PCDHA11: variants seen among roughly 807,000 people sequenced by gnomAD.
PCDHA11 encodes protocadherin alpha-11.
Under a neutral mutation model 70.3 loss-of-function variants are expected in PCDHA11, and 61 were observed. That is an observed-to-expected ratio of 0.87 (90% CI 0.71 to 1.07). PCDHA11 has a LOEUF of 1.07. Among genes scored for constraint, PCDHA11 ranks in the 50% least tolerant of loss-of-function variants. PCDHA11 has a pLI of 0.00. For missense variants in PCDHA11, 1,324 were observed against 1,237.5 expected (o/e 1.07, Z -1.05); for synonymous variants, 633 against 555.1 (o/e 1.14, Z -1.97).
chr5:140,936,831 A>T lies in PCDHA11; in HGVS notation c.2392-42118A>T, dbSNP rs142448727. 3.1e-3 allele frequency among the ~76,000 whole-genome samples: 478 copies of T among 152,252 alleles called. 2 individuals are homozygous for T. Among genetic ancestry groups the T allele is most frequent in the African/African-American group, 0.011 (455 of 41,554 alleles). Reference sequence around the variant, plus strand: ...GCTATTTTTGGCCCTTTGCATTTCTATATAAATTGTAGATTCAGCTTCTCA... The same window carrying T: ...GCTATTTTTGGCCCTTTGCATTTCTTTATAAATTGTAGATTCAGCTTCTCA... On this transcript the variant is annotated intron_variant, in intron 1 of 3. Transcript: ENST00000398640.
intron 1 of PCDHA11, chr5:140,928,175 G>A (rs782432136): frequency 6.8e-6 from 11 of 1,614,032 alleles, no homozygotes; most frequent in African/African-American, 1.3e-5. Flanking sequence ...CTTAGCACCC[G>A]AAGGACAATC....
chr5:140,915,312 C>T (rs781796761), intron 1 of PCDHA11, among the ~76,000 whole-genome samples: 2 of 152,122 alleles, frequency 1.3e-5, no homozygotes, highest in Non-Finnish European at 2.9e-5. Flanking sequence ...TTACATACCA[C>T]AATTACAGTG....
chr5:140,886,689 G>C (rs1267444522), intron 1 of PCDHA11, among the ~76,000 whole-genome samples: 5 of 152,022 alleles, frequency 3.3e-5, no homozygotes, highest in African/African-American at 1.2e-4. Flanking sequence ...AGCGAGGCAT[G>C]GTGGCACGCG....
At chr5:140,944,053 A>G (rs246065) in intron 1 of PCDHA11, among the ~76,000 whole-genome samples, 85,768 of 152,016 alleles carry the variant, frequency 0.56, 24,809 homozygotes, top group African/African-American at 0.69. Context: ...TTGGGATACA[A>G]AAAGGTTTCT....
chr5:140,995,206 G>A (rs1179914547), intron 3 of PCDHA11, among the ~76,000 whole-genome samples: 2 of 151,988 alleles, frequency 1.3e-5, no homozygotes, highest in African/African-American at 2.4e-5. Context: ...TATAAATTAG[G>A]CACAATACTC....
chr5:140,892,661 T>A (rs2063613573), intron 1 of PCDHA11, among the ~76,000 whole-genome samples: 1 of 152,232 alleles, frequency 6.6e-6, no homozygotes, highest in Non-Finnish European at 1.5e-5. Flanking sequence ...CAGAGTGACA[T>A]TTTGATACAT....
intron 1 of PCDHA11, among the ~76,000 whole-genome samples, chr5:140,922,408 T>C (rs2080827805): frequency 6.6e-6 from 1 of 152,196 alleles, no homozygotes; most frequent in Non-Finnish European, 1.5e-5. Context: ...ATTAAAAAGA[T>C]CTAGGTACAG....
chr5:140,928,551 G>C, intron 1 of PCDHA11: 1 of 1,614,164 alleles, frequency 6.2e-7, no homozygotes, highest in Non-Finnish European at 8.5e-7. Context: ...ACAATTATCC[G>C]GTTATCTTGT....
rs2098413689 is a variant in PCDHA11, at chr5:141,009,672, A to G, written c.2585A>G (p.Asn862Ser). Residue 862 changes from asparagine to serine, a missense_variant, in exon 4 of 4, where the codon AAC becomes AGC. Physicochemically the swap from Asn to Ser is conservative, Grantham distance 46. Transcript: ENST00000398640. The stretch of plus-strand genomic sequence containing the variant: ...TCCCCTCCAGTCGGTGCGGGTGTCA[A>G]CAGCAACAGCTGGACCTTTAAATAC... ...EVSPPVGAGV[N>S]SNSWTFKYGP... is the part of the protein sequence containing the mutation. 6.2e-7 allele frequency: 1 copy of G among 1,614,102 alleles called. No homozygotes were observed. The highest frequency in any genetic ancestry group is 1.1e-5 in the South Asian group (1 of 91,070).
intron 3 of PCDHA11, among the ~76,000 whole-genome samples, chr5:141,004,025 A>G (rs191768123): frequency 1.3e-5 from 2 of 152,316 alleles, no homozygotes; most frequent in Non-Finnish European, 2.9e-5. Context: ...AAGAAGAAAC[A>G]TTTCCTTGAT....
Position 140,968,215 on chromosome 5 carries a change from G to T in PCDHA11, c.2392-10734G>T, listed in dbSNP as rs782676713. The stretch of plus-strand genomic sequence containing the variant: ...CCATCTACATACAGGAGAACAATTT[G>T]CCAGGTGTGTTGCTCTGTACTGTGC... On this transcript the variant is annotated intron_variant, in intron 1 of 3. Transcript: ENST00000398640. 3.1e-6 allele frequency: 5 copies of T among 1,613,862 alleles called. No homozygotes were observed. In the East Asian group the frequency reaches 1.1e-4, roughly 36 times the overall value.
intron 3 of PCDHA11, among the ~76,000 whole-genome samples, chr5:141,000,496 C>T (rs1257530549): frequency 7.4e-6 from 1 of 134,362 alleles, no homozygotes; most frequent in Non-Finnish European, 1.5e-5. Context: ...GGTAAGATCT[C>T]GGCTCACTGC....
chr5:141,009,654 C>T lies in PCDHA11; in HGVS notation c.2567C>T (p.Pro856Leu). 4 of 1,614,012 alleles carry T rather than the reference C, an allele frequency of 2.5e-6. No individual in the cohort carries two copies. The highest frequency in any genetic ancestry group is 3.4e-6 in the Non-Finnish European group (4 of 1,179,962). The change falls in exon 4 of 4, where the codon CCA becomes CTA. Residue 856 changes from proline to leucine, a missense_variant. Pro to Leu is a moderately conservative substitution (Grantham distance 98, BLOSUM62 -3). Coordinates refer to ENST00000398640, the MANE Select transcript of PCDHA11 (RefSeq NM_018902.5). ...CCAGAGGCAGGAGAAGTGTCCCCTC[C>T]AGTCGGTGCGGGTGTCAACAGCAAC... ...PEPEAGEVSP[P>L]VGAGVNSNSW...
At chr5:140,953,545 C>A (rs551898012) in intron 1 of PCDHA11, among the ~76,000 whole-genome samples, 1 of 152,204 alleles carries the variant, frequency 6.6e-6, no homozygotes, top group Admixed American at 6.5e-5. Context: ...CATGCTGATT[C>A]TTTTCTCCAA....
intron 1 of PCDHA11, among the ~76,000 whole-genome samples, chr5:140,893,276 G>A (rs1554185570): frequency 6.6e-6 from 1 of 152,164 alleles, no homozygotes; most frequent in African/African-American, 2.4e-5. Context: ...TAGTGGAATT[G>A]CTGGATGATA....
intron 1 of PCDHA11, among the ~76,000 whole-genome samples, chr5:140,923,629 G>A (rs1350871926): frequency 6.6e-6 from 1 of 152,138 alleles, no homozygotes; most frequent in Non-Finnish European, 1.5e-5. Flanking sequence ...TTATCCAAAA[G>A]GCAAAAATCT....
chr5:140,875,009 G>A (rs1238943643), intron 1 of PCDHA11, among the ~76,000 whole-genome samples: 2 of 152,216 alleles, frequency 1.3e-5, no homozygotes, highest in Admixed American at 6.5e-5. Flanking sequence ...CCATGATAAA[G>A]TGTAGGTTCT....
chr5:140,967,490 C>G (rs1554229615), intron 1 of PCDHA11: 2 of 1,613,210 alleles, frequency 1.2e-6, no homozygotes, highest in East Asian at 2.2e-5. Context: ...GGGTACGGCA[C>G]AGATCTCTGT....
chr5:140,870,864 C>T lies in PCDHA11; in HGVS notation c.1761C>T (p.Gly587=), dbSNP rs782241816. The T allele has an allele frequency of 3.7e-6, 6 of 1,613,816 alleles. No homozygotes were observed. The African/African-American group carries it at 8.0e-5, about 22-fold the overall frequency. ...TAGTACCGCGGTCGGTGGGTGCGGG[C>T]CACGTGGTGGCGAAGGTGCGCGCAG... ...NKLVPRSVGA[G]HVVAKVRAVD... The change falls in exon 1 of 4, where the codon GGC becomes GGT. Residue 587 remains glycine, a synonymous_variant. Coordinates refer to ENST00000398640, the MANE Select transcript of PCDHA11 (RefSeq NM_018902.5).
Sources: allele counts gnomAD v4.1 joint callset (sites outside exome capture counted in the v4.1 genomes callset), GRCh38; gene constraint gnomAD v4.1.1; transcripts MANE v1.5; gene names NCBI Gene and HGNC (gene_info 2026-07-23, HGNC 2026-07-21).